The following CNOT4 variants were observed in gnomAD, a reference collection of about 807,000 sequenced individuals.
CNOT4 encodes CCR4-associated factor 4.
In CNOT4, 8 loss-of-function variants were observed where a neutral mutation model predicts 73.8. That is an observed-to-expected ratio of 0.11 (90% CI 0.06 to 0.20). The LOEUF is 0.20. Among genes scored for constraint, CNOT4 ranks in the 10% least tolerant of loss-of-function variants. CNOT4 has a pLI of 1.00. For missense variants in CNOT4, 564 were observed against 883.4 expected, an observed-to-expected ratio of 0.64 and a Z score of 4.58; for synonymous variants, 293 against 321.1, an observed-to-expected ratio of 0.91 and a Z score of 0.94.
chr7:135,426,429 C>G (rs1008218836), intron 2 of CNOT4, among the ~76,000 whole-genome samples: 1 of 151,628 alleles, frequency 6.6e-6, no homozygotes, highest in Non-Finnish European at 1.5e-5. Context: ...GGTGAAACCC[C>G]ATCTCTACTA....
intron 1 of CNOT4, among the ~76,000 whole-genome samples, chr7:135,441,760 T>C (rs1387754858): frequency 6.6e-6 from 1 of 152,204 alleles, no homozygotes; most frequent in Non-Finnish European, 1.5e-5. Context: ...AAAAATGATA[T>C]ACTGATGTTT....
At chr7:135,480,398 C>A (rs776372817) in intron 1 of CNOT4, among the ~76,000 whole-genome samples, 3 of 152,124 alleles carry the variant, frequency 2.0e-5, no homozygotes, top group Non-Finnish European at 4.4e-5. Context: ...AAGTGGATTA[C>A]TAATATAGGA....
intron 10 of CNOT4, among the ~76,000 whole-genome samples, chr7:135,367,593 T>TTTCTTAGA (rs1214851643): frequency 3.3e-4 from 50 of 152,306 alleles, no homozygotes; most frequent in Non-Finnish European, 5.3e-4. Context: ...TGGTGGTCAA[T>TTTCTTAGA]ACCGAACGGA....
chr7:135,469,791 T>C (rs530196801), intron 1 of CNOT4, among the ~76,000 whole-genome samples: 24 of 151,968 alleles, frequency 1.6e-4, no homozygotes, highest in African/African-American at 5.6e-4. Context: ...GAGCAGTTTT[T>C]TGTTGTTGGT....
At chr7:135,444,405 T>TCCATACCATGGAA in intron 1 of CNOT4, 1 of 722,696 alleles carries the variant, frequency 1.4e-6, no homozygotes, top group Non-Finnish European at 2.5e-6. Flanking sequence ...ATGTGGTATA[T>TCCATACCATGGAA]CCATACCATG....
chr7:135,466,642 C>A (rs1801242178), intron 1 of CNOT4, among the ~76,000 whole-genome samples: 1 of 152,176 alleles, frequency 6.6e-6, no homozygotes, highest in Non-Finnish European at 1.5e-5. Flanking sequence ...TCCCTCAACA[C>A]TTACTCACCA....
intron 1 of CNOT4, among the ~76,000 whole-genome samples, chr7:135,449,698 A>G (rs765186659): frequency 1.1e-4 from 16 of 152,202 alleles, no homozygotes; most frequent in African/African-American, 2.9e-4. Context: ...GGAAATAACA[A>G]CCCTGAAAAA....
At chr7:135,449,091 G>A (rs1358646329) in intron 1 of CNOT4, among the ~76,000 whole-genome samples, 3 of 152,150 alleles carry the variant, frequency 2.0e-5, no homozygotes, top group Non-Finnish European at 4.4e-5. Context: ...TAACACAGAT[G>A]AATCTCCCAA....
At chr7:135,428,832 C>A (rs1366457098) in intron 2 of CNOT4, among the ~76,000 whole-genome samples, 1 of 152,134 alleles carries the variant, frequency 6.6e-6, no homozygotes, top group Non-Finnish European at 1.5e-5. Context: ...CACCAGCCCA[C>A]AGATTTAAAA....
At chr7:135,502,308 T>C (rs1804028868) in intron 1 of CNOT4, among the ~76,000 whole-genome samples, 1 of 152,226 alleles carries the variant, frequency 6.6e-6, no homozygotes, top group Non-Finnish European at 1.5e-5. Flanking sequence ...TCAAGACTCA[T>C]CTTCTTCAGG....
intron 1 of CNOT4, among the ~76,000 whole-genome samples, chr7:135,507,158 A>G (rs1804428837): frequency 6.6e-6 from 1 of 152,190 alleles, no homozygotes; most frequent in African/African-American, 2.4e-5. Context: ...ATTTAGACTC[A>G]AGTTGAAGGG....
At chr7:135,439,958 T>G (rs567295177) in intron 1 of CNOT4, among the ~76,000 whole-genome samples, 1 of 151,544 alleles carries the variant, frequency 6.6e-6, no homozygotes, top group Non-Finnish European at 1.5e-5. Flanking sequence ...CCAAATGATC[T>G]AGTGATCAAT....
chr7:135,424,706 T>C (rs969933915), intron 2 of CNOT4, among the ~76,000 whole-genome samples: 12 of 152,114 alleles, frequency 7.9e-5, no homozygotes, highest in Non-Finnish European at 1.8e-4. Context: ...GGAGAACTGC[T>C]TGAACCTGGG....
At chr7:135,391,303 G>A (rs1182160211) in intron 10 of CNOT4, among the ~76,000 whole-genome samples, 6 of 152,062 alleles carry the variant, frequency 3.9e-5, no homozygotes, top group African/African-American at 1.4e-4. Context: ...ATTCTGGTGT[G>A]TGAGACTCTT....
chr7:135,370,407 G>T (rs536274853), intron 10 of CNOT4, among the ~76,000 whole-genome samples: 1 of 152,276 alleles, frequency 6.6e-6, no homozygotes, highest in Admixed American at 6.5e-5. Context: ...TCCTTGTCTA[G>T]AATGCTTTCT....
chr7:135,490,042 G>T (rs1260824360), intron 1 of CNOT4, among the ~76,000 whole-genome samples: 1 of 152,188 alleles, frequency 6.6e-6, no homozygotes, highest in South Asian at 2.1e-4. Context: ...TATATACAGT[G>T]TAGTATATAA....
rs750892116 is a variant in CNOT4 at position 135,423,360 on chromosome 7, C to CA, written c.175-1008dup. Among the ~76,000 whole-genome samples the CA allele has an allele frequency of 8.7e-3, 952 of 109,428 alleles. 2 individuals carry two copies. The highest frequency in any genetic ancestry group is 0.014 in the African/African-American group (415 of 29,524). 71.8% of individuals were successfully genotyped at this position (109,428 alleles called of 152,430 possible). On this transcript the variant is annotated intron_variant, in intron 2 of 11. Coordinates refer to ENST00000541284, the MANE Select transcript of CNOT4 (RefSeq NM_001190850.2). ...GGGAACAACAGAAATAATGCCAAAC[C>CA]AAAAAAAAAAAAAGGTGGAAACAAG...
chr7:135,378,140 C>G (rs1795621486), intron 10 of CNOT4, among the ~76,000 whole-genome samples: 1 of 152,208 alleles, frequency 6.6e-6, no homozygotes, highest in Admixed American at 6.5e-5. Context: ...TTTTACAGTG[C>G]ATTAGTCGTT....
chr7:135,479,201 T>A (rs1802201243), intron 1 of CNOT4, among the ~76,000 whole-genome samples: 3 of 113,890 alleles, frequency 2.6e-5, no homozygotes, highest in African/African-American at 1.3e-4. Context: ...GAACCAAATT[T>A]TTTTTTTTTT....
Sources: allele counts gnomAD v4.1 joint callset (sites outside exome capture counted in the v4.1 genomes callset), GRCh38; gene constraint gnomAD v4.1.1; transcripts MANE v1.5; gene names NCBI Gene and HGNC (gene_info 2026-07-23, HGNC 2026-07-21).